The following GALNTL6 variants were observed in gnomAD, a reference collection of about 807,000 sequenced individuals.
GALNTL6 encodes polypeptide N-acetylgalactosaminyltransferase-like 6.
Under a neutral mutation model 73.7 loss-of-function variants are expected in GALNTL6, and 46 were observed. That is an observed-to-expected ratio of 0.62 (90% CI 0.49 to 0.80). GALNTL6 has a LOEUF of 0.80. GALNTL6 is among the 30% of genes least tolerant of loss of function. The pLI is 0.00. For synonymous variants in GALNTL6, 259 were observed against 263.7 expected, an observed-to-expected ratio of 0.98 and a Z score of 0.17; for missense variants, 604 against 755.0, an observed-to-expected ratio of 0.80 and a Z score of 2.34.
chr4:172,676,705 G>A (rs914466701), intron 5 of GALNTL6, among the ~76,000 whole-genome samples: 20 of 152,128 alleles, frequency 1.3e-4, no homozygotes, highest in Admixed American at 2.6e-4. Context: ...GACAGGTTGC[G>A]GTGGCTGCCT....
At chr4:172,609,110 A>G (rs1484019582) in intron 5 of GALNTL6, among the ~76,000 whole-genome samples, 1 of 152,042 alleles carries the variant, frequency 6.6e-6, no homozygotes, top group Non-Finnish European at 1.5e-5. Flanking sequence ...CTGTCTTCCT[A>G]TTTTGTTGCC....
At chr4:172,760,923 A>T (rs1738048321) in intron 5 of GALNTL6, among the ~76,000 whole-genome samples, 1 of 152,222 alleles carries the variant, frequency 6.6e-6, no homozygotes, top group African/African-American at 2.4e-5. Flanking sequence ...AGTGACCAAC[A>T]TAAGGAGCCA....
At chr4:172,992,455 A>G (rs527665531) in intron 10 of GALNTL6, among the ~76,000 whole-genome samples, 1 of 152,352 alleles carries the variant, frequency 6.6e-6, no homozygotes, top group African/African-American at 2.4e-5. Context: ...AAAGCTTATT[A>G]GAGTCCTGTG....
chr4:172,599,837 A>T (rs1737990025), intron 5 of GALNTL6, among the ~76,000 whole-genome samples: 2 of 152,166 alleles, frequency 1.3e-5, no homozygotes, highest in African/African-American at 4.8e-5. Context: ...CTACTTAGTC[A>T]CATTGCTTAT....
chr4:172,413,511 G>T (rs1744516898), intron 5 of GALNTL6, among the ~76,000 whole-genome samples: 1 of 152,144 alleles, frequency 6.6e-6, no homozygotes, highest in Admixed American at 6.6e-5. Context: ...GATGCAGATG[G>T]ATCTGTTTTA....
chr4:172,098,188 C>T (rs1446106374), intron 2 of GALNTL6, among the ~76,000 whole-genome samples: 1 of 151,940 alleles, frequency 6.6e-6, no homozygotes. Context: ...ATATATAAGA[C>T]ATCTATATAT....
At chr4:172,285,975 C>A (rs1006504511) in intron 3 of GALNTL6, among the ~76,000 whole-genome samples, 2 of 152,168 alleles carry the variant, frequency 1.3e-5, no homozygotes, top group Non-Finnish European at 2.9e-5. Context: ...ATTAACATCT[C>A]AGAAATTATT....
intron 2 of GALNTL6, among the ~76,000 whole-genome samples, chr4:171,923,512 C>T (rs908410085): frequency 1.1e-4 from 16 of 148,622 alleles, no homozygotes; most frequent in Non-Finnish European, 1.6e-4. Context: ...ATTCTGTTGT[C>T]TCAGCCTCCA....
At chr4:172,945,691 C>T (rs1369618142) in intron 9 of GALNTL6, among the ~76,000 whole-genome samples, 1 of 152,170 alleles carries the variant, frequency 6.6e-6, no homozygotes, top group African/African-American at 2.4e-5. Context: ...AAACAGCTCA[C>T]ACAGCCTTGG....
chr4:171,926,872 T>C (rs1181334576), intron 2 of GALNTL6, among the ~76,000 whole-genome samples: 1 of 152,188 alleles, frequency 6.6e-6, no homozygotes, highest in Non-Finnish European at 1.5e-5. Context: ...TTTTAGCTTT[T>C]GCACATAGTT....
chr4:172,573,046 C>T (rs1416792656), intron 5 of GALNTL6, among the ~76,000 whole-genome samples: 3 of 152,070 alleles, frequency 2.0e-5, no homozygotes, highest in Non-Finnish European at 4.4e-5. Flanking sequence ...GAACAGAGTG[C>T]AATTACTATT....
At chr4:172,982,745 G>T in intron 10 of GALNTL6, among the ~76,000 whole-genome samples, 1 of 152,006 alleles carries the variant, frequency 6.6e-6, no homozygotes, top group Admixed American at 6.5e-5. Flanking sequence ...AAAAAGATAA[G>T]ATATTTTTAG....
intron 8 of GALNTL6, among the ~76,000 whole-genome samples, chr4:172,904,919 CA>C (rs1343314499): frequency 1.3e-5 from 2 of 152,104 alleles, no homozygotes; most frequent in African/African-American, 4.8e-5. Flanking sequence ...CACAAATGCA[CA>C]TATATAATTT....
intron 2 of GALNTL6, among the ~76,000 whole-genome samples, chr4:172,104,869 A>T (rs1195216760): frequency 1.3e-5 from 2 of 152,144 alleles, no homozygotes; most frequent in Non-Finnish European, 2.9e-5. Flanking sequence ...AACCTAAAAG[A>T]TCCTGGTAGA....
chr4:172,164,495 A>G (rs1179725264), intron 2 of GALNTL6, among the ~76,000 whole-genome samples: 1 of 151,988 alleles, frequency 6.6e-6, no homozygotes, highest in African/African-American at 2.4e-5. Flanking sequence ...TTAATTAAAG[A>G]TTTTAATATA....
At chr4:172,345,517 A>G (rs966193199) in intron 4 of GALNTL6, among the ~76,000 whole-genome samples, 3 of 152,204 alleles carry the variant, frequency 2.0e-5, no homozygotes, top group Admixed American at 2.0e-4. Context: ...AACTTATTTA[A>G]AAGTATTTCC....
rs778156050 is a variant in GALNTL6 at position 172,206,805 on chromosome 4, G to GTTTTTTTTTTTT, written c.139-22843_139-22842insTTTTTTTTTTTT. Among the ~76,000 whole-genome samples, 43 of 26,166 alleles carry GTTTTTTTTTTTT rather than the reference G, an allele frequency of 1.6e-3. 2 individuals carry two copies. The highest frequency in any genetic ancestry group is 3.2e-3 in the African/African-American group (34 of 10,552). The allele number at this position is 26,166 out of a possible 152,430, so 17.2% of individuals were successfully genotyped here. On this transcript the variant is annotated intron_variant, in intron 2 of 12. Coordinates refer to ENST00000506823, the MANE Select transcript of GALNTL6 (RefSeq NM_001034845.3). ...TTGTTTTGTTTTGTTTTGTTTTTCT[G>GTTTTTTTTTTTT]TTTTTTTTGTTTGTTTTTTTTTTTT...
At chr4:172,708,949 T>G (rs1357523278) in intron 5 of GALNTL6, among the ~76,000 whole-genome samples, 1 of 152,214 alleles carries the variant, frequency 6.6e-6, no homozygotes, top group Admixed American at 6.5e-5. Context: ...TGAAGGCATT[T>G]TATCTTTTTC....
chr4:172,042,625 T>C (rs1166891181), intron 2 of GALNTL6, among the ~76,000 whole-genome samples: 1 of 151,928 alleles, frequency 6.6e-6, no homozygotes, highest in Non-Finnish European at 1.5e-5. Context: ...TGATGGTTTC[T>C]TTTTATTATC....
Sources: allele counts gnomAD v4.1 joint callset (sites outside exome capture counted in the v4.1 genomes callset), GRCh38; gene constraint gnomAD v4.1.1; transcripts MANE v1.5; gene names NCBI Gene and HGNC (gene_info 2026-07-23, HGNC 2026-07-21).